Variants in XKR4 observed in about 807,000 individuals in gnomAD.
XKR4 encodes the protein XK related 4.
In XKR4, 12 loss-of-function variants were observed where a neutral mutation model predicts 53.9. The ratio of observed to expected loss-of-function variants is 0.22; its 90% CI spans 0.14 to 0.36. The LOEUF (loss-of-function observed/expected upper bound fraction) is 0.36. Ranked by LOEUF, XKR4 falls within the 10% of genes least tolerant of loss-of-function variation. The probability of loss-of-function intolerance (pLI) is 1.00; values close to 1 mark genes in which losing one functional copy is unlikely to be tolerated. For synonymous variants in XKR4, 354 were observed against 362.4 expected (o/e 0.98, Z 0.26); for missense variants, 799 against 859.5 (o/e 0.93, Z 0.88).
intron 1 of XKR4, among the ~76,000 whole-genome samples, chr8:55,185,600 T>C (rs1040458614): frequency 6.6e-6 from 1 of 152,200 alleles, no homozygotes; most frequent in African/African-American, 2.4e-5. Context: ...TGAAAAGCAG[T>C]TGTAAATATT....
chr8:55,357,704 T>C lies in XKR4; in HGVS notation c.833T>C (p.Ile278Thr). Reference protein sequence around the residue: ...WRYFHTIYLGIRSRQSGENDR... With the variant: ...WRYFHTIYLGTRSRQSGENDR... ...TATTTCCACACAATATACTTAGGTA[T>C]TCGAAGCCGACAGAGTGGGGAGAAT... The change falls in exon 2 of 3, where the codon ATT (isoleucine) becomes ACT (threonine). Residue 278 changes from isoleucine to threonine, a missense_variant. Physicochemically the swap from Ile to Thr is moderately conservative, Grantham distance 89 (BLOSUM62 -1). Transcript: ENST00000327381. The C allele has an allele frequency of 1.2e-6, 2 of 1,614,206 alleles. No individual in the cohort carries two copies. The highest frequency in any genetic ancestry group is 1.7e-6 in the Non-Finnish European group (2 of 1,180,022).
rs1041258852 is a variant in XKR4 at position 55,528,505 on chromosome 8, T to A, written c.*4278T>A. The A allele has an allele frequency of 6.6e-6, 1 of 152,264 alleles. No homozygotes were observed. Among genetic ancestry groups the A allele is most frequent in the East Asian group, 1.9e-4 (1 of 5,208 alleles). 9.4% of individuals were successfully genotyped at this position (152,264 alleles called of 1,614,324 possible). On this transcript the variant is annotated 3_prime_UTR_variant, in exon 3 of 3. Transcript: ENST00000327381. ...TGAACCATTTTCTAGACTAAATATA[T>A]GCTCCCTTGCATTTTCCACATATCT...
intron 2 of XKR4, among the ~76,000 whole-genome samples, chr8:55,414,625 A>G (rs2129391659): frequency 1.3e-5 from 2 of 151,888 alleles, no homozygotes; most frequent in East Asian, 3.9e-4. Context: ...CCCACAACTA[A>G]GGAAAGGACA....
chr8:55,326,284 C>T (rs1803291017), intron 1 of XKR4, among the ~76,000 whole-genome samples: 2 of 152,270 alleles, frequency 1.3e-5, no homozygotes, highest in African/African-American at 4.8e-5. Context: ...ATGCCAGGCC[C>T]TGTCATGAGT....
At chr8:55,450,293 G>A (rs945122619) in intron 2 of XKR4, 7 of 704,468 alleles carry the variant, frequency 9.9e-6, no homozygotes, top group Non-Finnish European at 1.7e-5. Context: ...CAGTCATAGG[G>A]AGGGCCCTCG....
At chr8:55,413,733 A>G (rs931926728) in intron 2 of XKR4, among the ~76,000 whole-genome samples, 3 of 152,172 alleles carry the variant, frequency 2.0e-5, no homozygotes, top group Admixed American at 2.0e-4. Context: ...CACTCAAGCG[A>G]TATTGATGTA....
Position 55,524,324 on chromosome 8 carries a change from C to T in XKR4, c.*97C>T. ...TTCATCCTAGAGCAGGGCAGTGAGC[C>T]GTGAAGTTCCTAGTGGGACCGTCAT... On this transcript the variant is annotated 3_prime_UTR_variant, in exon 3 of 3. Coordinates refer to ENST00000327381, the MANE Select transcript of XKR4 (RefSeq NM_052898.2). 1.6e-6 allele frequency: 2 copies of T among 1,225,212 alleles called. No individual in the cohort carries two copies. Among genetic ancestry groups the T allele is most frequent in the African/African-American group, 1.5e-5 (1 of 65,710 alleles). 75.9% of individuals were successfully genotyped at this position (1,225,212 alleles called of 1,614,324 possible).
At chr8:55,111,356 A>G (rs1205083762) in intron 1 of XKR4, among the ~76,000 whole-genome samples, 4 of 152,126 alleles carry the variant, frequency 2.6e-5, no homozygotes, top group Non-Finnish European at 5.9e-5. Context: ...CTTATTATAC[A>G]TTCTTTTCAC....
At chr8:55,373,891 G>T (rs1000424473) in intron 2 of XKR4, among the ~76,000 whole-genome samples, 2 of 152,070 alleles carry the variant, frequency 1.3e-5, no homozygotes, top group Admixed American at 6.5e-5. Flanking sequence ...GATAGCAAAG[G>T]GAGTGAGTAT....
Position 55,102,620 on chromosome 8 carries a change from C to G in XKR4, c.132C>G (p.Ala44=), listed in dbSNP as rs1363696930. The change falls in exon 1 of 3, where the codon GCC becomes GCG. Residue 44 remains alanine (A), a synonymous_variant. Transcript: ENST00000327381. This position sits in a 1 kb window ranked among gnomAD's most constrained non-coding sequence, Gnocchi z 5.1. ...LAPGLPSGSG[A]EDEEAAGGGC... is the part of the protein sequence containing the mutation. ...CAGGCTTGCCGTCGGGGTCGGGAGC[C>G]GAGGACGAGGAGGCGGCCGGGGGCG... 7.1e-7 allele frequency: 1 copy of G among 1,410,620 alleles called. No individual in the cohort carries two copies. Among genetic ancestry groups the G allele is most frequent in the Non-Finnish European group, 9.4e-7 (1 of 1,067,960 alleles). 87.4% of individuals were successfully genotyped at this position (1,410,620 alleles called of 1,614,324 possible). A position where few individuals can be genotyped will look rare whatever the true frequency, so the allele number is the denominator to read the frequency against.
intron 2 of XKR4, among the ~76,000 whole-genome samples, chr8:55,435,638 C>T (rs1211735474): frequency 6.6e-6 from 1 of 150,838 alleles, no homozygotes; most frequent in African/African-American, 2.4e-5. Context: ...GGCATGAACA[C>T]AGCTAACTGC....
At chr8:55,374,396 T>C (rs1804117783) in intron 2 of XKR4, among the ~76,000 whole-genome samples, 1 of 152,124 alleles carries the variant, frequency 6.6e-6, no homozygotes, top group Non-Finnish European at 1.5e-5. Flanking sequence ...AAGAGAGAAG[T>C]GACCGGTTCC....
At chr8:55,308,227 T>C (rs139453062) in intron 1 of XKR4, among the ~76,000 whole-genome samples, 289 of 152,232 alleles carry the variant, frequency 1.9e-3, no homozygotes, top group African/African-American at 6.6e-3. Context: ...TGATCCAGCC[T>C]GGGCAACGCA....
chr8:55,233,560 A>G (rs1184797053), intron 1 of XKR4, among the ~76,000 whole-genome samples: 1 of 152,226 alleles, frequency 6.6e-6, no homozygotes, highest in African/African-American at 2.4e-5. Context: ...CACACAGAGC[A>G]TGTCTTATCA....
Position 55,166,733 on chromosome 8 carries a change from C to G in XKR4, c.806+63439C>G, listed in dbSNP as rs547572302. ...AATATGCAGGCAGGGGGATCTCAGACAGATAACATCGCATGTTCAAGGGCA... is the reference window on the plus strand; with the variant it reads ...AATATGCAGGCAGGGGGATCTCAGAGAGATAACATCGCATGTTCAAGGGCA... On this transcript the variant is annotated intron_variant, in intron 1 of 2. Coordinates refer to ENST00000327381, the MANE Select transcript of XKR4 (RefSeq NM_052898.2). 1.6e-3 allele frequency among the ~76,000 whole-genome samples: 249 copies of G among 152,226 alleles called. 1 individual carries two copies. The highest frequency in any genetic ancestry group is 5.8e-3 in the African/African-American group (242 of 41,514).
intron 2 of XKR4, among the ~76,000 whole-genome samples, chr8:55,508,594 G>T (rs967209032): frequency 6.6e-6 from 1 of 152,176 alleles, no homozygotes; most frequent in Non-Finnish European, 1.5e-5. Context: ...GCTCAAGCAA[G>T]CATCACAGAC....
intron 1 of XKR4, among the ~76,000 whole-genome samples, chr8:55,296,313 C>T (rs897486257): frequency 1.3e-5 from 2 of 152,200 alleles, no homozygotes; most frequent in African/African-American, 4.8e-5. Context: ...CCCTCAGCTA[C>T]TGCTAGTGAG....
chr8:55,220,928 C>T (rs1040343978), intron 1 of XKR4, among the ~76,000 whole-genome samples: 4 of 152,320 alleles, frequency 2.6e-5, no homozygotes, highest in East Asian at 1.9e-4. Context: ...GCAGGCTCCA[C>T]GTTCGTGGTA....
chr8:55,452,792 G>A (rs1408827544), intron 2 of XKR4: 2 of 784,882 alleles, frequency 2.5e-6, no homozygotes, highest in Non-Finnish European at 4.6e-6. Flanking sequence ...TGCCAGCCAT[G>A]CTGTTGGGGA....
Sources: allele counts gnomAD v4.1 joint callset (sites outside exome capture counted in the v4.1 genomes callset), GRCh38; gene constraint gnomAD v4.1.1; non-coding constraint Gnocchi (gnomAD v3.1); transcripts MANE v1.5; gene names NCBI Gene and HGNC (gene_info 2026-07-23, HGNC 2026-07-21).